Variants in ADGRB3 observed in about 807,000 individuals in gnomAD.
ADGRB3 encodes brain-specific angiogenesis inhibitor 3.
ADGRB3 carries 37 observed loss-of-function variants against 193.4 expected under a neutral mutation model. The ratio of observed to expected loss-of-function variants is 0.19; its 90% CI spans 0.15 to 0.25. The LOEUF (loss-of-function observed/expected upper bound fraction) is 0.25. Ranked by LOEUF, ADGRB3 falls within the 10% of genes least tolerant of loss-of-function variation. The pLI is 1.00. For synonymous variants in ADGRB3, 690 were observed against 644.2 expected, an observed-to-expected ratio of 1.07 and a Z score of -1.08; for missense variants, 1,637 against 1,852.9, an observed-to-expected ratio of 0.88 and a Z score of 2.14.
At chr6:68,720,314 T>C (rs1452355973) in intron 3 of ADGRB3, among the ~76,000 whole-genome samples, 9 of 151,802 alleles carry the variant, frequency 5.9e-5, no homozygotes, top group Non-Finnish European at 1.0e-4. Context: ...TTCATATGCC[T>C]GGTATAAATC....
At chr6:69,102,804 AC>A (rs1341763463) in intron 17 of ADGRB3, among the ~76,000 whole-genome samples, 3 of 152,122 alleles carry the variant, frequency 2.0e-5, no homozygotes, top group Non-Finnish European at 4.4e-5. Flanking sequence ...GGAAGTCACA[AC>A]CTTTTTTTGA....
At chr6:68,662,151 A>T (rs1768678404) in intron 3 of ADGRB3, among the ~76,000 whole-genome samples, 1 of 151,526 alleles carries the variant, frequency 6.6e-6, no homozygotes, top group African/African-American at 2.4e-5. Context: ...CCTGTGTAAA[A>T]ACAAATAGAA....
intron 16 of ADGRB3, among the ~76,000 whole-genome samples, chr6:69,063,286 T>C (rs1239664465): frequency 6.6e-6 from 1 of 152,040 alleles, no homozygotes; most frequent in African/African-American, 2.4e-5. Flanking sequence ...TCTATGCTTT[T>C]TTCATGATAA....
intron 17 of ADGRB3, among the ~76,000 whole-genome samples, chr6:69,189,995 G>T (rs924527225): frequency 6.6e-6 from 1 of 152,120 alleles, no homozygotes; most frequent in Non-Finnish European, 1.5e-5. Context: ...TTATAGGGAT[G>T]CTGGTGGAAA....
At chr6:69,143,292 G>T (rs1452730580) in intron 17 of ADGRB3, among the ~76,000 whole-genome samples, 1 of 151,730 alleles carries the variant, frequency 6.6e-6, no homozygotes, top group Non-Finnish European at 1.5e-5. Context: ...TTGATCTCTT[G>T]TCAGATGGAT....
At chr6:69,223,579 G>A (rs1262625386) in intron 17 of ADGRB3, among the ~76,000 whole-genome samples, 1 of 151,258 alleles carries the variant, frequency 6.6e-6, no homozygotes, top group Non-Finnish European at 1.5e-5. Flanking sequence ...GGAGAAAAAG[G>A]TGTAAAATAT....
chr6:69,320,354 A>G (rs760855318), intron 20 of ADGRB3, among the ~76,000 whole-genome samples: 1 of 151,226 alleles, frequency 6.6e-6, no homozygotes, highest in Non-Finnish European at 1.5e-5. Context: ...TTATGTATTT[A>G]TTTATTTTTA....
intron 4 of ADGRB3, among the ~76,000 whole-genome samples, chr6:68,934,153 CAAG>C (rs1767423687): frequency 6.6e-6 from 1 of 152,060 alleles, no homozygotes; most frequent in Admixed American, 6.6e-5. Flanking sequence ...TGAGTTATAA[CAAG>C]AACATTTTGA....
chr6:69,202,464 A>G (rs868345543), intron 17 of ADGRB3, among the ~76,000 whole-genome samples: 7 of 151,674 alleles, frequency 4.6e-5, no homozygotes, highest in Middle Eastern at 3.2e-3. Flanking sequence ...TGAAAGAGAG[A>G]GAGAGACGGA....
At chr6:68,766,674 G>A (rs1303143767) in intron 3 of ADGRB3, among the ~76,000 whole-genome samples, 1 of 151,890 alleles carries the variant, frequency 6.6e-6, no homozygotes, top group Non-Finnish European at 1.5e-5. Flanking sequence ...TATACTAAAT[G>A]ATTCCAATTA....
intron 3 of ADGRB3, among the ~76,000 whole-genome samples, chr6:68,696,162 A>G (rs995487218): frequency 2.0e-5 from 3 of 151,984 alleles, no homozygotes; most frequent in African/African-American, 7.2e-5. Context: ...CAAGATTAAC[A>G]CTTAATATTT....
At chr6:69,047,346 C>T (rs1476219181) in intron 13 of ADGRB3, among the ~76,000 whole-genome samples, 1 of 151,214 alleles carries the variant, frequency 6.6e-6, no homozygotes, top group African/African-American at 2.4e-5. Context: ...GAGTATTTAT[C>T]ATCATAGTTT....
At chr6:69,210,437 T>C (rs570564371) in intron 17 of ADGRB3, among the ~76,000 whole-genome samples, 1 of 152,140 alleles carries the variant, frequency 6.6e-6, no homozygotes, top group African/African-American at 2.4e-5. Flanking sequence ...GGTGGGTCTG[T>C]CTTTCCCCGC....
At chr6:68,645,324 A>G (rs1450038050) in intron 3 of ADGRB3, among the ~76,000 whole-genome samples, 3 of 152,124 alleles carry the variant, frequency 2.0e-5, no homozygotes, top group Admixed American at 2.0e-4. Flanking sequence ...GTACAGGAGG[A>G]TAGGAAATGA....
chr6:68,959,736 T>C (rs1019668252), intron 8 of ADGRB3, among the ~76,000 whole-genome samples: 14 of 152,100 alleles, frequency 9.2e-5, no homozygotes, highest in Admixed American at 7.9e-4. Flanking sequence ...ATTTCTTTTG[T>C]TTTCATAAAA....
chr6:69,327,574 A>G (rs1301630331), intron 21 of ADGRB3, among the ~76,000 whole-genome samples: 2 of 152,200 alleles, frequency 1.3e-5, no homozygotes, highest in Non-Finnish European at 2.9e-5. Context: ...ACTTCCATTT[A>G]AACCCGTGTC....
intron 8 of ADGRB3, among the ~76,000 whole-genome samples, chr6:68,966,062 A>G (rs983386553): frequency 1.3e-5 from 2 of 152,128 alleles, no homozygotes; most frequent in African/African-American, 4.8e-5. Context: ...CTCCCAAGTC[A>G]TCTCTTCCTC....
intron 11 of ADGRB3, among the ~76,000 whole-genome samples, chr6:69,008,755 C>T (rs1769846679): frequency 6.6e-6 from 1 of 152,072 alleles, no homozygotes; most frequent in East Asian, 1.9e-4. Flanking sequence ...GGTTGAATAT[C>T]CACAGCTGCT....
At chr6:69,344,348 G>C (rs1187497334) in intron 26 of ADGRB3, among the ~76,000 whole-genome samples, 1 of 152,124 alleles carries the variant, frequency 6.6e-6, no homozygotes, top group Non-Finnish European at 1.5e-5. Context: ...TCATTTTGTA[G>C]TGAAATGCTT....
Sources: allele counts gnomAD v4.1 joint callset (sites outside exome capture counted in the v4.1 genomes callset), GRCh38; gene constraint gnomAD v4.1.1; transcripts MANE v1.5; gene names NCBI Gene and HGNC (gene_info 2026-07-23, HGNC 2026-07-21).